The following RELN variants were observed in gnomAD, a reference collection of about 807,000 sequenced individuals.
RELN encodes the protein reelin.
In RELN, 108 loss-of-function variants were observed where a neutral mutation model predicts 427.6. That is an observed-to-expected ratio of 0.25 (90% CI 0.22 to 0.30). The LOEUF (loss-of-function observed/expected upper bound fraction) is 0.30, where lower values mean the gene tolerates loss of function less well. Ranked by LOEUF, RELN falls within the 10% of genes least tolerant of loss-of-function variation. The pLI, the probability that RELN is intolerant of heterozygous loss-of-function variation, is 1.00. For synonymous variants in RELN, 1,524 were observed against 1,513.4 expected, an observed-to-expected ratio of 1.01 and a Z score of -0.16; for missense variants, 3,715 against 4,302.8, an observed-to-expected ratio of 0.86 and a Z score of 3.82.
At chr7:103,736,529 G>A (rs1489030145) in intron 6 of RELN, among the ~76,000 whole-genome samples, 1 of 152,014 alleles carries the variant, frequency 6.6e-6, no homozygotes, top group African/African-American at 2.4e-5. Context: ...TTTTCACTGA[G>A]GAAGGTAAGA....
At chr7:103,727,407 G>A (rs1790238593) in intron 7 of RELN, among the ~76,000 whole-genome samples, 1 of 152,128 alleles carries the variant, frequency 6.6e-6, no homozygotes, top group African/African-American at 2.4e-5. Flanking sequence ...TTTCCAGAAG[G>A]TAAAATGAAA....
intron 2 of RELN, among the ~76,000 whole-genome samples, chr7:103,899,732 T>C (rs1795041141): frequency 6.6e-6 from 1 of 152,084 alleles, no homozygotes; most frequent in Admixed American, 6.6e-5. Flanking sequence ...GAAAAGGCCT[T>C]TGACAAAATT....
At chr7:103,955,439 G>C (rs1796413717) in intron 1 of RELN, among the ~76,000 whole-genome samples, 1 of 152,086 alleles carries the variant, frequency 6.6e-6, no homozygotes, top group South Asian at 2.1e-4. Flanking sequence ...GCACAGAAAT[G>C]GTTATGACTT....
At chr7:103,938,407 T>C (rs1414849284) in intron 1 of RELN, among the ~76,000 whole-genome samples, 5 of 152,236 alleles carry the variant, frequency 3.3e-5, no homozygotes, top group Admixed American at 6.5e-5. Context: ...ACAACCTTAA[T>C]ATCAAAATTT....
At chr7:103,843,953 C>T (rs1356423977) in intron 2 of RELN, among the ~76,000 whole-genome samples, 5 of 152,164 alleles carry the variant, frequency 3.3e-5, no homozygotes, top group Admixed American at 6.6e-5. Flanking sequence ...ATAATCACTT[C>T]GCACTGCCTG....
chr7:103,551,785 T>C (rs910612250), intron 40 of RELN, among the ~76,000 whole-genome samples: 1 of 152,190 alleles, frequency 6.6e-6, no homozygotes, highest in Non-Finnish European at 1.5e-5. Context: ...TTGTCATCAT[T>C]TCCCTGGCAC....
intron 42 of RELN, among the ~76,000 whole-genome samples, chr7:103,544,269 C>T (rs1467701811): frequency 1.8e-5 from 2 of 113,100 alleles, no homozygotes; most frequent in East Asian, 3.0e-4. Flanking sequence ...GATGGAGTCT[C>T]GCTCTGTCGC....
At chr7:103,651,571 G>T in intron 15 of RELN, 90 bp downstream of exon 15, 1 of 1,323,994 alleles carries the variant, frequency 7.6e-7, no homozygotes, top group South Asian at 1.2e-5. Flanking sequence ...TACCTATTAT[G>T]ACAAAAATGC....
chr7:103,708,705 C>T (rs1377576354), intron 8 of RELN, among the ~76,000 whole-genome samples: 1 of 151,964 alleles, frequency 6.6e-6, no homozygotes, highest in Non-Finnish European at 1.5e-5. Context: ...CCTCGTGATC[C>T]GCCCGTCTTG....
At chr7:103,730,351 A>C (rs543810982) in intron 6 of RELN, among the ~76,000 whole-genome samples, 4 of 152,234 alleles carry the variant, frequency 2.6e-5, no homozygotes, top group African/African-American at 9.6e-5. Flanking sequence ...GTTTCGCTTA[A>C]ACAGAATTCA....
intron 16 of RELN, 104 bp downstream of exon 16, chr7:103,650,170 G>A: frequency 1.3e-6 from 1 of 785,614 alleles, no homozygotes. Flanking sequence ...TTAATGAATT[G>A]CAAGACCATG....
intron 9 of RELN, among the ~76,000 whole-genome samples, chr7:103,700,603 A>G (rs981007030): frequency 6.6e-6 from 1 of 152,094 alleles, no homozygotes; most frequent in African/African-American, 2.4e-5. Context: ...ACCTAGAGCA[A>G]TGGGTGGTGA....
intron 8 of RELN, among the ~76,000 whole-genome samples, chr7:103,719,300 T>C (rs573324360): frequency 9.2e-5 from 14 of 152,100 alleles, no homozygotes; most frequent in Non-Finnish European, 1.9e-4. Context: ...GCCTCTTCAC[T>C]TGAAAAACCT....
chr7:103,840,636 A>G (rs984973742), intron 2 of RELN, among the ~76,000 whole-genome samples: 1 of 152,216 alleles, frequency 6.6e-6, no homozygotes, highest in African/African-American at 2.4e-5. Flanking sequence ...GAGAACTCAG[A>G]ATCAGCTTCT....
intron 2 of RELN, among the ~76,000 whole-genome samples, chr7:103,834,130 A>T (rs1219411628): frequency 6.7e-6 from 1 of 149,346 alleles, no homozygotes; most frequent in East Asian, 2.0e-4. Flanking sequence ...TGCTTGGAAA[A>T]CTCCCCAGTC....
At chr7:103,951,320 T>C (rs1449907211) in intron 1 of RELN, among the ~76,000 whole-genome samples, 1 of 152,112 alleles carries the variant, frequency 6.6e-6, no homozygotes, top group Non-Finnish European at 1.5e-5. Flanking sequence ...CAAAACAAAA[T>C]AGATAGGAAG....
chr7:103,835,533 T>C (rs952161638), intron 2 of RELN, among the ~76,000 whole-genome samples: 2 of 152,138 alleles, frequency 1.3e-5, no homozygotes, highest in Non-Finnish European at 2.9e-5. Flanking sequence ...AGGGGAGGTT[T>C]TATTGTGTGT....
chr7:103,526,096 G>T (rs1177414000), intron 46 of RELN, among the ~76,000 whole-genome samples: 1 of 152,182 alleles, frequency 6.6e-6, no homozygotes, highest in African/African-American at 2.4e-5. Flanking sequence ...TGTTGAAGGG[G>T]GCAGACAGCT....
chr7:103,604,551 C>A, intron 22 of RELN, 68 bp from the exon 23 acceptor site: 1 of 1,547,996 alleles, frequency 6.5e-7, no homozygotes, highest in South Asian at 1.1e-5. Flanking sequence ...CAAAGAATGT[C>A]AGAGTCCAAA....
Sources: gnomAD v4.1 joint callset for allele counts (sites outside exome capture counted in the v4.1 genomes callset) on GRCh38, gnomAD v4.1.1 for gene constraint, MANE v1.5 for transcripts, NCBI Gene and HGNC (gene_info 2026-07-23, HGNC 2026-07-21) for gene names.